Variants in RASAL3 observed in about 807,000 individuals in gnomAD.
The protein encoded by RASAL3 is RAS protein activator like-3.
RASAL3 carries 74 observed loss-of-function variants against 105.5 expected under a neutral mutation model. That is an observed-to-expected ratio of 0.70 (90% CI 0.58 to 0.85). The LOEUF is 0.85. Among genes scored for constraint, RASAL3 ranks in the 40% least tolerant of loss-of-function variants. The pLI is 0.00. For synonymous variants in RASAL3, 579 were observed against 591.6 expected (o/e 0.98, Z 0.31); for missense variants, 1,352 against 1,392.0 (o/e 0.97, Z 0.46).
At chr19:15,454,316 G>A in intron 13 of RASAL3, 45 bp downstream of exon 13, 1 of 1,573,772 alleles carries the variant, frequency 6.4e-7, no homozygotes. Context: ...CAGGGTCAGA[G>A]TCTCCCAAGC....
In RASAL3 at chr19:15,456,262, C is replaced by CAG; in HGVS notation, c.1577-16_1577-15dup. ...GCACAACCTGTCCTGCAGCCCAGCA[C>CAG]AGCCAGATAGGGGCTGGGGCCATGA... On this transcript the variant is annotated splice_polypyrimidine_tract_variant and intron_variant, in intron 10 of 17. Transcript: ENST00000343625. This position sits in a 1 kb window ranked among gnomAD's most constrained non-coding sequence, Gnocchi z 4.4. 6.2e-7 allele frequency: 1 copy of CAG among 1,611,688 alleles called. No individual in the cohort carries two copies. Among genetic ancestry groups the CAG allele is most frequent in the Non-Finnish European group, 8.5e-7 (1 of 1,178,282 alleles).
chr19:15,452,737 T>C lies in RASAL3; in HGVS notation c.2749A>G (p.Thr917Ala). 1 of 1,559,214 alleles carries C rather than the reference T, an allele frequency of 6.4e-7. No individual in the cohort carries two copies. The highest frequency in any genetic ancestry group is 8.7e-7 in the Non-Finnish European group (1 of 1,151,312). The change falls in exon 16 of 18, where the codon ACC (threonine) becomes GCC (alanine). Residue 917 changes from threonine to alanine, a missense_variant. Thr to Ala is a moderately conservative substitution (Grantham distance 58, BLOSUM62 0). Around this residue, in one of 3 missense-constraint regions of RASAL3, gnomAD observed 920 missense variants for 919.6 expected, o/e 1.00. Transcript: ENST00000343625. ...VLSRLVESLS[T>A]QIRALTEQQE... Reference sequence around the variant, plus strand: ...TGCTCCGTCAAGGCCCGGATTTGGGTGCTCAGCGACTCCACGAGGCGGGAC... The same window carrying C: ...TGCTCCGTCAAGGCCCGGATTTGGGCGCTCAGCGACTCCACGAGGCGGGAC...
Position 15,454,737 on chromosome 19 carries a change from T to C in RASAL3, c.1878A>G (p.Ala626=). The C allele has an allele frequency of 6.2e-7, 1 of 1,609,478 alleles. No homozygotes were observed. Residue 626 remains alanine, a synonymous_variant, in exon 12 of 18, where the codon GCA becomes GCG. Coordinates refer to ENST00000343625, the MANE Select transcript of RASAL3 (RefSeq NM_022904.3). ...CTGGGCCGGGTGCTGGATGGTCTGG[T>C]GCCAAACCAAAGAGGCTGGGTGCCA... ...AILAPSLFGL[A]PDHPAPGPAR... is the part of the protein sequence containing the mutation.
chr19:15,458,458 G>A, intron 7 of RASAL3, 32 bp from the exon 8 acceptor site: 1 of 1,613,318 alleles, frequency 6.2e-7, no homozygotes, highest in Non-Finnish European at 8.5e-7. Flanking sequence ...CGGTGTGATC[G>A]AGGCCAAGGG....
At chr19:15,460,995 T>G in intron 5 of RASAL3, 65 bp downstream of exon 5, 1 of 1,500,084 alleles carries the variant, frequency 6.7e-7, no homozygotes, top group Non-Finnish European at 9.2e-7. Context: ...GAGTGCCCTT[T>G]CAGCTTTGAG....
At chr19:15,458,286 G>C in intron 8 of RASAL3, 42 bp downstream of exon 8, 1 of 1,575,120 alleles carries the variant, frequency 6.3e-7, no homozygotes, top group Non-Finnish European at 8.7e-7. Context: ...GGCCAGGCCT[G>C]TGGGCGGGGT....
chr19:15,458,779 C>A, intron 6 of RASAL3, 124 bp from the exon 7 acceptor site: 1 of 1,191,958 alleles, frequency 8.4e-7, no homozygotes. Context: ...CCCCCGTGCC[C>A]CCCCCACCCC....
chr19:15,455,004 A>G, intron 11 of RASAL3, 111 bp from the exon 12 acceptor site: 1 of 800,966 alleles, frequency 1.2e-6, no homozygotes, highest in Non-Finnish European at 1.9e-6. Flanking sequence ...ATGATCCTCC[A>G]GAGAGCTATT....
Position 15,457,313 on chromosome 19 carries a change from C to CA in RASAL3, c.1409dup (p.Arg471AlafsTer12). 7.6e-7 allele frequency: 1 copy of CA among 1,320,478 alleles called. No individual in the cohort carries two copies. The highest frequency in any genetic ancestry group is 9.6e-7 in the Non-Finnish European group (1 of 1,037,320). 81.8% of individuals were successfully genotyped at this position (1,320,478 alleles called of 1,614,324 possible). On this transcript the variant is annotated frameshift_variant, in exon 9 of 18. Transcript: ENST00000343625. LOFTEE classifies it high-confidence loss of function. The surrounding 1 kb of genome is among the most constrained non-coding windows in gnomAD (Gnocchi z 8.6). The stretch of plus-strand genomic sequence containing the variant: ...GCACCTGCGCCCGGCCGGTGGCCCG[C>CA]AGCACGCGCACCATGGCTGCCGCCA...
chr19:15,453,625 T>G lies in RASAL3; in HGVS notation c.2280-128A>C. The stretch of plus-strand genomic sequence containing the variant: ...TCTTTTTTTTTTTTGAGACAAGGTC[T>G]TGCTCTGTCGCCCAGGCTGGAGTGC... On this transcript the variant is annotated intron_variant, in intron 14 of 17. Coordinates refer to ENST00000343625, the MANE Select transcript of RASAL3 (RefSeq NM_022904.3). The surrounding 1 kb of genome is among the most constrained non-coding windows in gnomAD (Gnocchi z 4.2). 1 of 965,688 alleles carries G rather than the reference T, an allele frequency of 1.0e-6. No individual in the cohort carries two copies. Among genetic ancestry groups the G allele is most frequent in the South Asian group, 1.9e-5 (1 of 51,872 alleles). The allele number at this position is 965,688 out of a possible 1,614,324, so 59.8% of individuals were successfully genotyped here. A position where few individuals can be genotyped will look rare whatever the true frequency, so the allele number is the denominator to read the frequency against.
Position 15,456,162 on chromosome 19 carries a change from G to C in RASAL3, c.1663C>G (p.Gln555Glu). ...KCPASELPEH[Q>E]ARLRNSCEEV... ...TCGCAGCTGTTCCGAAGTCTGGCCT[G>C]GTGCTCTGGCAGCTCCGAGGCTGGA... The change falls in exon 11 of 18, where the codon CAG (glutamine) becomes GAG (glutamate). Residue 555 changes from glutamine (Q) to glutamate (E), a missense_variant. Coordinates refer to ENST00000343625, the MANE Select transcript of RASAL3 (RefSeq NM_022904.3). The surrounding 1 kb of genome is among the most constrained non-coding windows in gnomAD (Gnocchi z 4.4). 1 of 1,613,880 alleles carries C rather than the reference G, an allele frequency of 6.2e-7. No homozygotes were observed. Among genetic ancestry groups the C allele is most frequent in the South Asian group, 1.1e-5 (1 of 91,088 alleles).
Position 15,452,664 on chromosome 19 carries a change from C to A in RASAL3, c.2822G>T (p.Arg941Leu), listed in dbSNP as rs377759857. 137 of 1,545,880 alleles carry A rather than the reference C, an allele frequency of 8.9e-5. No homozygotes were observed. The highest frequency in any genetic ancestry group is 1.1e-4 in the Non-Finnish European group (130 of 1,144,626). ...GQLQDLDSRL[R>L]AGSSEFDSEH... ...TGGAGAGGGCTGGGCTCACCCAGCA[C>A]GGAGCCTGGAGTCCAGATCCTGCAG... Residue 941 changes from arginine (R) to leucine (L), a missense_variant, in exon 16 of 18, where the codon CGT becomes CTT. By Grantham distance (102) the Arg-to-Leu change is moderately radical. Around this residue, in one of 3 missense-constraint regions of RASAL3, gnomAD observed 920 missense variants for 919.6 expected, o/e 1.00. Transcript: ENST00000343625.
Position 15,464,176 on chromosome 19 carries a change from T to G in RASAL3, c.183A>C (p.Pro61=). The G allele has an allele frequency of 6.2e-7, 1 of 1,612,826 alleles. No homozygotes were observed. ...SHQEPMVSTQ[P]APRSIFRRVL... ...CCCGACGGAATATCGAGCGAGGGGC[T>G]GGCTGGGTGCTGACCATGGGCTCCT... The change falls in exon 2 of 18, where the codon CCA becomes CCC. Residue 61 remains proline, a synonymous_variant. Transcript: ENST00000343625.
rs769410434 is a variant in RASAL3 at position 15,464,235 on chromosome 19, G to A, written c.124C>T (p.Arg42Cys). 144 of 1,609,162 alleles carry A rather than the reference G, an allele frequency of 8.9e-5. No individual in the cohort carries two copies. Among genetic ancestry groups the A allele is most frequent in the Non-Finnish European group, 1.2e-4 (138 of 1,178,380 alleles). The change falls in exon 2 of 18, where the codon CGC becomes TGC. Residue 42 changes from arginine (R) to cysteine (C), a missense_variant. Arg to Cys is a radical substitution (Grantham distance 180). Around this residue, in one of 3 missense-constraint regions of RASAL3, gnomAD observed 344 missense variants for 339.6 expected, o/e 1.01. Coordinates refer to ENST00000343625, the MANE Select transcript of RASAL3 (RefSeq NM_022904.3). ...AGGGCCCTGCCCCAGCCAGCAAAGC[G>A]GCCCCAGCGGAACCCTCCAGCCGCC... ...EKAAGGFRWGRFAGWGRALSH... is the reference protein window; with the variant it reads ...EKAAGGFRWGCFAGWGRALSH...
rs76267899 is a variant in RASAL3, at chr19:15,464,363, G to A, written c.-5C>T. 1,811 of 267,402 alleles carry A rather than the reference G, an allele frequency of 6.8e-3. 16 individuals carry two copies. The African/African-American group carries it at 0.079, about 12-fold the overall frequency. 16.6% of individuals were successfully genotyped at this position (267,402 alleles called of 1,614,324 possible). ...GCTTGGCGACGGTGGGTCCATGGTT[G>A]GGGGGGGGGGTCTCCTGGGGGACGA... On this transcript the variant is annotated 5_prime_UTR_variant, in exon 2 of 18. Transcript: ENST00000343625.
In RASAL3 at chr19:15,461,460, C is replaced by T. The variant is rs2145488504; in HGVS notation, c.465+11G>A. 6.5e-7 allele frequency: 1 copy of T among 1,545,652 alleles called. No individual in the cohort carries two copies. Among genetic ancestry groups the T allele is most frequent in the South Asian group, 1.2e-5 (1 of 83,834 alleles). On this transcript the variant is annotated intron_variant, in intron 3 of 17. Transcript: ENST00000343625. ...CTTCCCTCCTCCCCTTTCCCAGGTG[C>T]CCCCTCTCACCTCCTCCTCTCCTCC...
chr19:15,452,122 G>A lies in RASAL3; in HGVS notation c.2829-14C>T, dbSNP rs749001649. ...AACTCTGAGCTCCTGTGGGGGTCGGGGGATTGGGGCGAAGGGCAGAGGCTA... is the reference window on the plus strand; with the variant it reads ...AACTCTGAGCTCCTGTGGGGGTCGGAGGATTGGGGCGAAGGGCAGAGGCTA... On this transcript the variant is annotated splice_polypyrimidine_tract_variant and intron_variant, in intron 16 of 17. Coordinates refer to ENST00000343625, the MANE Select transcript of RASAL3 (RefSeq NM_022904.3). The A allele has an allele frequency of 6.2e-7, 1 of 1,613,820 alleles. No individual in the cohort carries two copies. The highest frequency in any genetic ancestry group is 1.1e-5 in the South Asian group (1 of 91,072).
At position 15,456,218 on chromosome 19, in the gene RASAL3, G is replaced by A. The variant is rs765338551; in HGVS notation, c.1607C>T (p.Thr536Ile). ...GQVVRRLCAS[T>I]EDCEVDPSKC... ...GCTGGGGTCCACTTCACAGTCCTCA[G>A]TAGAAGCACAGAGACGCCGCACAAC... The change falls in exon 11 of 18, where the codon ACT (threonine) becomes ATT (isoleucine). Residue 536 changes from threonine to isoleucine, a missense_variant. Physicochemically the swap from Thr to Ile is moderately conservative, Grantham distance 89. Transcript: ENST00000343625. This position sits in a 1 kb window ranked among gnomAD's most constrained non-coding sequence, Gnocchi z 4.4. 1 of 1,613,812 alleles carries A rather than the reference G, an allele frequency of 6.2e-7. No homozygotes were observed. The highest frequency in any genetic ancestry group is 2.2e-5 in the East Asian group (1 of 44,876).
At chr19:15,451,961 G>T in intron 17 of RASAL3, 23 bp from the exon 18 acceptor site, 1 of 1,612,066 alleles carries the variant, frequency 6.2e-7, no homozygotes, top group Non-Finnish European at 8.5e-7. Context: ...TGGTGATGGG[G>T]TTCAGAAACC....
Sources: gnomAD v4.1 joint callset for allele counts on GRCh38, gnomAD v4.1.1 for gene constraint, gnomAD v4.1.1 regional missense constraint, Gnocchi (gnomAD v3.1) non-coding constraint, MANE v1.5 for transcripts, NCBI Gene and HGNC (gene_info 2026-07-23, HGNC 2026-07-21) for gene names.